TRDN: variants seen among roughly 807,000 people sequenced by gnomAD.
TRDN encodes the protein triadin in skeletal muscle.
In TRDN, 161 loss-of-function variants were observed where a neutral mutation model predicts 149.7. The ratio of observed to expected loss-of-function variants is 1.08; its 90% CI spans 0.95 to 1.23. The LOEUF is 1.23. Among genes scored for constraint, TRDN ranks in the 50% most tolerant of loss-of-function variants. TRDN has a pLI of 0.00. For missense variants in TRDN, 896 were observed against 823.5 expected, an observed-to-expected ratio of 1.09 and a Z score of -1.08; for synonymous variants, 294 against 250.5, an observed-to-expected ratio of 1.17 and a Z score of -1.64.
intron 9 of TRDN, among the ~76,000 whole-genome samples, chr6:123,478,996 T>A (rs1777624004): frequency 6.6e-6 from 1 of 152,190 alleles, no homozygotes; most frequent in Non-Finnish European, 1.5e-5. Flanking sequence ...TGGACCATAT[T>A]AGGCAATACA....
Position 123,433,162 on chromosome 6 carries a change from A to ATATATATATATAT in TRDN, c.1051+4900_1051+4901insATATATATATATA, listed in dbSNP as rs796874348. 6.2e-3 allele frequency among the ~76,000 whole-genome samples: 498 copies of ATATATATATATAT among 79,896 alleles called. 34 individuals are homozygous for ATATATATATATAT. The highest frequency in any genetic ancestry group is 0.015 in the East Asian group (39 of 2,522). The allele number at this position is 79,896 out of a possible 152,430, so 52.4% of individuals were successfully genotyped here. ...ATCATAAATATATATATATATATAT[A>ATATATATATATAT]ATATATATATATATATATATACATC... On this transcript the variant is annotated intron_variant, in intron 12 of 40. Coordinates refer to ENST00000334268, the MANE Select transcript of TRDN (RefSeq NM_006073.4).
intron 5 of TRDN, among the ~76,000 whole-genome samples, chr6:123,519,341 C>T (rs1779557501): frequency 6.6e-6 from 1 of 152,062 alleles, no homozygotes; most frequent in Admixed American, 6.5e-5. Flanking sequence ...ACATCTCTCA[C>T]CCTCCCATCT....
chr6:123,341,490 T>C (rs1179668935), intron 21 of TRDN, among the ~76,000 whole-genome samples: 1 of 151,862 alleles, frequency 6.6e-6, no homozygotes, highest in Non-Finnish European at 1.5e-5. Flanking sequence ...ATTTATTTCA[T>C]AGTCTTTATA....
At chr6:123,437,642 C>T (rs1393451032) in intron 12 of TRDN, among the ~76,000 whole-genome samples, 1 of 151,998 alleles carries the variant, frequency 6.6e-6, no homozygotes, top group Non-Finnish European at 1.5e-5. Context: ...GATAGTGCCC[C>T]ATCTCTAAGT....
intron 9 of TRDN, among the ~76,000 whole-genome samples, chr6:123,465,471 A>G (rs1009573119): frequency 1.3e-5 from 2 of 151,902 alleles, no homozygotes; most frequent in South Asian, 2.1e-4. Context: ...TTTCCCTACC[A>G]TAATAAATGA....
chr6:123,526,571 C>A (rs1023853509), intron 5 of TRDN, among the ~76,000 whole-genome samples: 1 of 151,998 alleles, frequency 6.6e-6, no homozygotes, highest in Admixed American at 6.6e-5. Flanking sequence ...GGTAAACCTA[C>A]GTATTCTTAG....
chr6:123,541,814 CACTT>C (rs1237246573), intron 4 of TRDN, among the ~76,000 whole-genome samples: 3 of 152,072 alleles, frequency 2.0e-5, no homozygotes, highest in African/African-American at 7.2e-5. Context: ...ATTTTTCAGA[CACTT>C]AATGTTCAGC....
At chr6:123,325,253 A>G (rs1458672475) in intron 23 of TRDN, among the ~76,000 whole-genome samples, 8 of 152,102 alleles carry the variant, frequency 5.3e-5, no homozygotes, top group Non-Finnish European at 1.2e-4. Flanking sequence ...TTGGGCATCA[A>G]TTTCTTCACT....
intron 2 of TRDN, among the ~76,000 whole-genome samples, chr6:123,557,565 A>G (rs1237526640): frequency 1.3e-5 from 2 of 152,038 alleles, no homozygotes; most frequent in East Asian, 1.9e-4. Flanking sequence ...CATTTTATCC[A>G]TGAACCCAAA....
At chr6:123,538,966 T>A (rs147095450) in intron 4 of TRDN, among the ~76,000 whole-genome samples, 2 of 152,294 alleles carry the variant, frequency 1.3e-5, no homozygotes, top group East Asian at 3.9e-4. Context: ...ATGGTGAAGT[T>A]TGCAGATTTG....
chr6:123,314,989 A>G (rs531308500), intron 24 of TRDN, among the ~76,000 whole-genome samples: 8 of 151,974 alleles, frequency 5.3e-5, no homozygotes, highest in Non-Finnish European at 8.8e-5. Context: ...GCACATGTAC[A>G]CCTGAACTTA....
rs1447110516 is a variant in TRDN, at chr6:123,218,369, C to A, written c.*232G>T. 4.7e-6 allele frequency: 2 copies of A among 424,816 alleles called. No homozygotes were observed. The highest frequency in any genetic ancestry group is 4.3e-5 in the South Asian group (1 of 23,444). 26.3% of individuals were successfully genotyped at this position (424,816 alleles called of 1,614,324 possible). A position where few individuals can be genotyped will look rare whatever the true frequency, so the allele number is the denominator to read the frequency against. ...ACTGGAAATAAGATAAATACAAGCACCCCCTCCCACCGCAGCAAACACACA... is the reference window on the plus strand; with the variant it reads ...ACTGGAAATAAGATAAATACAAGCAACCCCTCCCACCGCAGCAAACACACA... On this transcript the variant is annotated 3_prime_UTR_variant, in exon 41 of 41. Transcript: ENST00000334268.
chr6:123,457,327 T>G (rs1235146878), intron 10 of TRDN, among the ~76,000 whole-genome samples: 1 of 152,190 alleles, frequency 6.6e-6, no homozygotes, highest in Non-Finnish European at 1.5e-5. Context: ...CCCCTATCTA[T>G]CTTGGCAGCT....
At chr6:123,567,608 G>A (rs1782358195) in intron 2 of TRDN, among the ~76,000 whole-genome samples, 1 of 152,000 alleles carries the variant, frequency 6.6e-6, no homozygotes. Context: ...ATGGATGGAT[G>A]GCTAGAGGAG....
At chr6:123,280,388 T>G (rs1476182136) in intron 24 of TRDN, among the ~76,000 whole-genome samples, 2 of 152,182 alleles carry the variant, frequency 1.3e-5, no homozygotes, top group African/African-American at 4.8e-5. Flanking sequence ...GTTCTTTGTC[T>G]TCGGTACCGT....
chr6:123,579,512 G>A (rs781044601), intron 1 of TRDN, among the ~76,000 whole-genome samples: 1 of 152,158 alleles, frequency 6.6e-6, no homozygotes, highest in Non-Finnish European at 1.5e-5. Flanking sequence ...TGATCGATTA[G>A]CTTTTTGATG....
chr6:123,522,989 A>C (rs1202882268), intron 5 of TRDN, among the ~76,000 whole-genome samples: 2 of 152,130 alleles, frequency 1.3e-5, no homozygotes, highest in African/African-American at 4.8e-5. Flanking sequence ...TAGAACATAC[A>C]TGAAGACAAA....
chr6:123,437,442 T>C (rs1774632396), intron 12 of TRDN: 1 of 297,612 alleles, frequency 3.4e-6, no homozygotes. Flanking sequence ...CTTCCTCTGC[T>C]ACCCAGGCTG....
At chr6:123,601,511 A>T (rs2114649668) in intron 1 of TRDN, among the ~76,000 whole-genome samples, 1 of 152,248 alleles carries the variant, frequency 6.6e-6, no homozygotes, top group South Asian at 2.1e-4. Flanking sequence ...ATGGAGAATC[A>T]ATGGTGATCT....
Sources: allele counts gnomAD v4.1 joint callset (sites outside exome capture counted in the v4.1 genomes callset), GRCh38; gene constraint gnomAD v4.1.1; transcripts MANE v1.5; gene names NCBI Gene and HGNC (gene_info 2026-07-23, HGNC 2026-07-21).